STAT1: variants seen among roughly 807,000 people sequenced by gnomAD.
STAT1 encodes signal transducer and activator of transcription 1, also known as signal transducer and activator of transcription 1-alpha/beta.
In STAT1, 24 loss-of-function variants were observed where a neutral mutation model predicts 111.7. The ratio of observed to expected loss-of-function variants is 0.21; its 90% confidence interval spans 0.16 to 0.30. The LOEUF (loss-of-function observed/expected upper bound fraction) is 0.30. STAT1 is among the 10% of genes least tolerant of loss of function. The probability of loss-of-function intolerance (pLI) is 1.00; values close to 1 mark genes in which losing one functional copy is unlikely to be tolerated. For synonymous variants in STAT1, 332 were observed against 326.5 expected (o/e 1.02, Z -0.18); for missense variants, 351 against 911.9 (o/e 0.38, Z 7.92).
At chr2:191,005,742 G>A (rs1012977786) in intron 5 of STAT1, among the ~76,000 whole-genome samples, 5 of 152,194 alleles carry the variant, frequency 3.3e-5, no homozygotes, top group South Asian at 2.1e-4. Flanking sequence ...TCAACAAGGG[G>A]GGAAATGGTG....
At chr2:191,005,404 A>C (rs981600669) in intron 5 of STAT1, among the ~76,000 whole-genome samples, 7 of 152,224 alleles carry the variant, frequency 4.6e-5, no homozygotes, top group Non-Finnish European at 8.8e-5. Context: ...CAGTGGCCCC[A>C]TAAGATTAGA....
Position 190,982,661 on chromosome 2 carries a change from G to T in STAT1, c.1447-143C>A, listed in dbSNP as rs1692478820. The stretch of plus-strand genomic sequence containing the variant: ...TTCACAGTAGGGGAAGAGAAATACA[G>T]TCAATTTTCATTATTTACAGATGCA... On this transcript the variant is annotated intron_variant, in intron 17 of 24. Coordinates refer to ENST00000361099, the MANE Select transcript of STAT1 (RefSeq NM_007315.4). The surrounding 1 kb of genome is among the most constrained non-coding windows in gnomAD (Gnocchi z 7.3). 1 of 885,862 alleles carries T rather than the reference G, an allele frequency of 1.1e-6. No individual in the cohort carries two copies. The highest frequency in any genetic ancestry group is 1.8e-6 in the Non-Finnish European group (1 of 557,318). The allele number at this position is 885,862 out of a possible 1,614,324, so 54.9% of individuals were successfully genotyped here. A position where few individuals can be genotyped will look rare whatever the true frequency, so the allele number is the denominator to read the frequency against.
rs1693546351 is a variant in STAT1 at position 190,993,389 on chromosome 2, A to C, written c.944+1672T>G. The stretch of plus-strand genomic sequence containing the variant: ...TGCTGTGTTCCATATTTGAAGCTTG[A>C]TTGTTTTCCCGTCTAACTCTATAGT... On this transcript the variant is annotated intron_variant, in intron 10 of 24. Coordinates refer to ENST00000361099, the MANE Select transcript of STAT1 (RefSeq NM_007315.4). The surrounding 1 kb of genome is among the most constrained non-coding windows in gnomAD (Gnocchi z 4.1). 7 of 1,362,564 alleles carry C rather than the reference A, an allele frequency of 5.1e-6. No individual in the cohort carries two copies. Among genetic ancestry groups the C allele is most frequent in the Non-Finnish European group, 7.2e-6 (7 of 972,438 alleles). 84.4% of individuals were successfully genotyped at this position (1,362,564 alleles called of 1,614,324 possible). A position where few individuals can be genotyped will look rare whatever the true frequency, so the allele number is the denominator to read the frequency against.
At chr2:191,010,088 T>C in intron 2 of STAT1, 84 bp from the exon 3 acceptor site, 1 of 1,470,322 alleles carries the variant, frequency 6.8e-7, no homozygotes, top group Non-Finnish European at 9.4e-7. Context: ...CAGGTTGTAC[T>C]CTTAAATATC....
At position 190,986,364 on chromosome 2, in the gene STAT1, C is replaced by T. The variant is rs1692817539; in HGVS notation, c.1221+490G>A. On this transcript the variant is annotated intron_variant, in intron 14 of 24. Transcript: ENST00000361099. The surrounding 1 kb of genome is among the most constrained non-coding windows in gnomAD (Gnocchi z 5.0). ...CACACAGAGCATCCTGCTGGGTCTC[C>T]ACTGCCTGGGGAATGAGCCCTACTG... Among the ~76,000 whole-genome samples, 1 of 152,168 alleles carries T rather than the reference C, an allele frequency of 6.6e-6. No homozygotes were observed. Among genetic ancestry groups the T allele is most frequent in the Non-Finnish European group, 1.5e-5 (1 of 68,032 alleles).
rs994843077 is a variant in STAT1 at position 191,003,953 on chromosome 2, G to A, written c.373-2790C>T. Among the ~76,000 whole-genome samples, 9 of 152,160 alleles carry A rather than the reference G, an allele frequency of 5.9e-5. No individual in the cohort carries two copies. The highest frequency in any genetic ancestry group is 2.2e-4 in the African/African-American group (9 of 41,442). On this transcript the variant is annotated intron_variant, in intron 5 of 24. Coordinates refer to ENST00000361099, the MANE Select transcript of STAT1 (RefSeq NM_007315.4). This position sits in a 1 kb window ranked among gnomAD's most constrained non-coding sequence, Gnocchi z 4.0. The stretch of plus-strand genomic sequence containing the variant: ...TTAGAGAACAGGGATATAAACAATG[G>A]CTGTAAAACAGCAGCTACATCCCCA...
At position 191,006,392 on chromosome 2, in the gene STAT1, C is replaced by T. The variant is rs1437696886; in HGVS notation, c.372+1171G>A. ...TTAGAATAAGCAATATGTATCTTTA[C>T]ATGCTCAGTTCAGCAAGATGCTATC... is the stretch of plus-strand genomic sequence containing the variant. On this transcript the variant is annotated intron_variant, in intron 5 of 24. Coordinates refer to ENST00000361099, the MANE Select transcript of STAT1 (RefSeq NM_007315.4). The surrounding 1 kb of genome is among the most constrained non-coding windows in gnomAD (Gnocchi z 4.6). Among the ~76,000 whole-genome samples the T allele has an allele frequency of 1.3e-5, 2 of 152,202 alleles. No homozygotes were observed. The highest frequency in any genetic ancestry group is 2.4e-5 in the African/African-American group (1 of 41,458).
Position 190,983,563 on chromosome 2 carries a change from G to T in STAT1, c.1446+79C>A. Reference sequence around the variant, plus strand: ...CTTCTCCCTTAACAACTGGCCATTGGGGCTATTTCAGAGATGCAGCAGTGA... The same window carrying T: ...CTTCTCCCTTAACAACTGGCCATTGTGGCTATTTCAGAGATGCAGCAGTGA... On this transcript the variant is annotated intron_variant, in intron 17 of 24. Coordinates refer to ENST00000361099, the MANE Select transcript of STAT1 (RefSeq NM_007315.4). The surrounding 1 kb of genome is among the most constrained non-coding windows in gnomAD (Gnocchi z 5.7). 1 of 1,264,180 alleles carries T rather than the reference G, an allele frequency of 7.9e-7. No individual in the cohort carries two copies. The highest frequency in any genetic ancestry group is 1.2e-5 in the South Asian group (1 of 83,860). The allele number at this position is 1,264,180 out of a possible 1,614,324, so 78.3% of individuals were successfully genotyped here. A position where few individuals can be genotyped will look rare whatever the true frequency, so the allele number is the denominator to read the frequency against.
In STAT1 at chr2:190,998,018, T is replaced by C. The variant is rs760467014; in HGVS notation, c.634-11A>G. The stretch of plus-strand genomic sequence containing the variant: ...TTTGTGAACTACTTCCTAAAGGCAA[T>C]AGAAGAAACAAAGTGAAATAAATTC... On this transcript the variant is annotated splice_polypyrimidine_tract_variant and intron_variant, in intron 8 of 24. Transcript: ENST00000361099. This position sits in a 1 kb window ranked among gnomAD's most constrained non-coding sequence, Gnocchi z 4.1. The C allele has an allele frequency of 1.7e-5, 27 of 1,613,842 alleles. No individual in the cohort carries two copies. Among genetic ancestry groups the C allele is most frequent in the Admixed American group, 5.0e-5 (3 of 59,998 alleles).
Position 190,982,578 on chromosome 2 carries a change from C to T in STAT1, c.1447-60G>A. The stretch of plus-strand genomic sequence containing the variant: ...ACAGAGACACCAGTCACAAGTGTGG[C>T]ACTAAAACATATGTCCATCCCAAAG... On this transcript the variant is annotated intron_variant, in intron 17 of 24. Coordinates refer to ENST00000361099, the MANE Select transcript of STAT1 (RefSeq NM_007315.4). The surrounding 1 kb of genome is among the most constrained non-coding windows in gnomAD (Gnocchi z 7.3). 6.3e-7 allele frequency: 1 copy of T among 1,588,576 alleles called. No individual in the cohort carries two copies. Among genetic ancestry groups the T allele is most frequent in the Non-Finnish European group, 8.6e-7 (1 of 1,156,974 alleles).
Position 190,984,178 on chromosome 2 carries a change from A to T in STAT1, c.1347+132T>A. 2.6e-6 allele frequency: 2 copies of T among 764,520 alleles called. No homozygotes were observed. Among genetic ancestry groups the T allele is most frequent in the Non-Finnish European group, 4.5e-6 (2 of 446,252 alleles). The allele number at this position is 764,520 out of a possible 1,614,324, so 47.4% of individuals were successfully genotyped here. A position where few individuals can be genotyped will look rare whatever the true frequency, so the allele number is the denominator to read the frequency against. ...GACCATAAATTAAGGTTAAGATAGTATTAGCTGAAAAAGATCATTTTAAAA... is the reference window on the plus strand; with the variant it reads ...GACCATAAATTAAGGTTAAGATAGTTTTAGCTGAAAAAGATCATTTTAAAA... On this transcript the variant is annotated intron_variant, in intron 16 of 24. Coordinates refer to ENST00000361099, the MANE Select transcript of STAT1 (RefSeq NM_007315.4). This position sits in a 1 kb window ranked among gnomAD's most constrained non-coding sequence, Gnocchi z 5.2.
At position 191,014,042 on chromosome 2, in the gene STAT1, T is replaced by G; in HGVS notation, c.-180A>C. On this transcript the variant is annotated 5_prime_UTR_variant, in exon 1 of 25. Coordinates refer to ENST00000361099, the MANE Select transcript of STAT1 (RefSeq NM_007315.4). ...CTCTGCGCGCAGGATCCGGAAGGGCTAGGCGGGGGCGCGGCGGTGCAGCCT... is the reference window on the plus strand; with the variant it reads ...CTCTGCGCGCAGGATCCGGAAGGGCGAGGCGGGGGCGCGGCGGTGCAGCCT... The G allele has an allele frequency of 5.5e-6, 1 of 181,128 alleles. No homozygotes were observed. The highest frequency in any genetic ancestry group is 1.1e-5 in the Non-Finnish European group (1 of 87,432). 11.2% of individuals were successfully genotyped at this position (181,128 alleles called of 1,614,324 possible). A position where few individuals can be genotyped will look rare whatever the true frequency, so the allele number is the denominator to read the frequency against.
At position 190,995,989 on chromosome 2, in the gene STAT1, G is replaced by C. The variant is rs1297218555; in HGVS notation, c.786-770C>G. On this transcript the variant is annotated intron_variant, in intron 9 of 24. Transcript: ENST00000361099. The surrounding 1 kb of genome is among the most constrained non-coding windows in gnomAD (Gnocchi z 4.2). ...AGCCACTGCAGGTTCTGTCAAGAGA[G>C]TGGCATCAGCAAGCAGTGTCTCGGC... Among the ~76,000 whole-genome samples, 1 of 152,148 alleles carries C rather than the reference G, an allele frequency of 6.6e-6. No individual in the cohort carries two copies. The highest frequency in any genetic ancestry group is 1.5e-5 in the Non-Finnish European group (1 of 68,038).
rs576854055 is a variant in STAT1, at chr2:190,986,223, G to A, written c.1222-563C>T. ...CACAAAGTGGTCTCTAGTGAAAAAGGATGCCTTTAACCTCCTGCAGGTTCT... is the reference window on the plus strand; with the variant it reads ...CACAAAGTGGTCTCTAGTGAAAAAGAATGCCTTTAACCTCCTGCAGGTTCT... On this transcript the variant is annotated intron_variant, in intron 14 of 24. Coordinates refer to ENST00000361099, the MANE Select transcript of STAT1 (RefSeq NM_007315.4). This position sits in a 1 kb window ranked among gnomAD's most constrained non-coding sequence, Gnocchi z 5.0. Among the ~76,000 whole-genome samples the A allele has an allele frequency of 6.6e-5, 10 of 152,296 alleles. No homozygotes were observed. The highest frequency in any genetic ancestry group is 3.4e-3 in the Middle Eastern group (1 of 294).
rs758760551 is a variant in STAT1 at position 190,979,906 on chromosome 2, A to T, written c.1633-40T>A. 6 of 1,406,860 alleles carry T rather than the reference A, an allele frequency of 4.3e-6. No homozygotes were observed. Among genetic ancestry groups the T allele is most frequent in the Admixed American group, 1.7e-5 (1 of 59,326 alleles). The allele number at this position is 1,406,860 out of a possible 1,614,324, so 87.1% of individuals were successfully genotyped here. A position where few individuals can be genotyped will look rare whatever the true frequency, so the allele number is the denominator to read the frequency against. ...ATGCAGACATTATGAACAAAAATCTAAAACAATGACTTACCATGGCCCCTC... is the reference window on the plus strand; with the variant it reads ...ATGCAGACATTATGAACAAAAATCTTAAACAATGACTTACCATGGCCCCTC... On this transcript the variant is annotated intron_variant, in intron 19 of 24. Coordinates refer to ENST00000361099, the MANE Select transcript of STAT1 (RefSeq NM_007315.4). This position sits in a 1 kb window ranked among gnomAD's most constrained non-coding sequence, Gnocchi z 5.8.
At position 190,975,653 on chromosome 2, in the gene STAT1, A is replaced by T; in HGVS notation, c.2135+159T>A. The stretch of plus-strand genomic sequence containing the variant: ...TTTTTTTTTTTTTTAAAGTAGTAAA[A>T]TGCTGATAGGCAGTAACACGGGGAT... On this transcript the variant is annotated intron_variant, in intron 23 of 24. Coordinates refer to ENST00000361099, the MANE Select transcript of STAT1 (RefSeq NM_007315.4). This position sits in a 1 kb window ranked among gnomAD's most constrained non-coding sequence, Gnocchi z 5.9. 1 of 1,466,970 alleles carries T rather than the reference A, an allele frequency of 6.8e-7. No individual in the cohort carries two copies. Among genetic ancestry groups the T allele is most frequent in the Non-Finnish European group, 9.0e-7 (1 of 1,116,284 alleles). 90.9% of individuals were successfully genotyped at this position (1,466,970 alleles called of 1,614,324 possible). A position where few individuals can be genotyped will look rare whatever the true frequency, so the allele number is the denominator to read the frequency against.
intron 14 of STAT1, among the ~76,000 whole-genome samples, chr2:190,985,986 C>T (rs1331584195): frequency 6.6e-6 from 1 of 152,216 alleles, no homozygotes. Flanking sequence ...CAGCTTCTCC[C>T]TCCCCTTTCC....
At position 190,990,255 on chromosome 2, in the gene STAT1, G is replaced by A. The variant is rs1330574629; in HGVS notation, c.1038-581C>T. Among the ~76,000 whole-genome samples the A allele has an allele frequency of 6.6e-6, 1 of 152,196 alleles. No homozygotes were observed. The highest frequency in any genetic ancestry group is 1.9e-4 in the East Asian group (1 of 5,196). On this transcript the variant is annotated intron_variant, in intron 11 of 24. Coordinates refer to ENST00000361099, the MANE Select transcript of STAT1 (RefSeq NM_007315.4). This position sits in a 1 kb window ranked among gnomAD's most constrained non-coding sequence, Gnocchi z 5.1. Reference sequence around the variant, plus strand: ...TCTGCTCCGTTCAGTGGAGCAGGTGGATGGGATCAGATTTCTACTGTCCCT... The same window carrying A: ...TCTGCTCCGTTCAGTGGAGCAGGTGAATGGGATCAGATTTCTACTGTCCCT...
chr2:191,007,712 T>C lies in STAT1; in HGVS notation c.274-51A>G, dbSNP rs753633424. The stretch of plus-strand genomic sequence containing the variant: ...ATAAATTAAAATGCAGAATGTTTAC[T>C]TTATTGTGTATTGTAAGTTGATATG... On this transcript the variant is annotated intron_variant, in intron 4 of 24. Coordinates refer to ENST00000361099, the MANE Select transcript of STAT1 (RefSeq NM_007315.4). The surrounding 1 kb of genome is among the most constrained non-coding windows in gnomAD (Gnocchi z 4.2). 2 of 1,329,004 alleles carry C rather than the reference T, an allele frequency of 1.5e-6. No homozygotes were observed. The highest frequency in any genetic ancestry group is 2.3e-5 in the South Asian group (2 of 85,340). The allele number at this position is 1,329,004 out of a possible 1,614,324, so 82.3% of individuals were successfully genotyped here. A position where few individuals can be genotyped will look rare whatever the true frequency, so the allele number is the denominator to read the frequency against.
Sources: allele counts gnomAD v4.1 joint callset (sites outside exome capture counted in the v4.1 genomes callset), GRCh38; gene constraint gnomAD v4.1.1; non-coding constraint Gnocchi (gnomAD v3.1); transcripts MANE v1.5; gene names NCBI Gene and HGNC (gene_info 2026-07-23, HGNC 2026-07-21).